ADAMTS19: variants seen among roughly 807,000 people sequenced by gnomAD.
ADAMTS19 encodes ADAM metallopeptidase with thrombospondin type 1 motif 19.
Under a neutral mutation model 153.3 loss-of-function variants are expected in ADAMTS19, and 93 were observed. That is an observed-to-expected ratio of 0.61 (90% CI 0.51 to 0.72). The LOEUF (loss-of-function observed/expected upper bound fraction) is 0.72. Among genes scored for constraint, ADAMTS19 ranks in the 30% least tolerant of loss-of-function variants. The pLI, the probability that ADAMTS19 is intolerant of heterozygous loss-of-function variation, is 0.00. For synonymous variants in ADAMTS19, 600 were observed against 556.6 expected (o/e 1.08, Z -1.10); for missense variants, 1,482 against 1,552.1 (o/e 0.95, Z 0.76).
intron 6 of ADAMTS19, among the ~76,000 whole-genome samples, chr5:129,548,727 G>A (rs534274232): frequency 5.4e-4 from 82 of 151,934 alleles, no homozygotes; most frequent in African/African-American, 1.9e-3. Context: ...ACATGCACAC[G>A]TATGTTCATT....
chr5:129,532,417 C>T (rs1211609212), intron 6 of ADAMTS19, among the ~76,000 whole-genome samples: 1 of 152,136 alleles, frequency 6.6e-6, no homozygotes, highest in Non-Finnish European at 1.5e-5. Flanking sequence ...TTCACACCCA[C>T]TTGAAAGGCT....
intron 2 of ADAMTS19, among the ~76,000 whole-genome samples, chr5:129,469,393 G>A (rs1025209348): frequency 1.3e-5 from 2 of 152,134 alleles, no homozygotes; most frequent in Non-Finnish European, 2.9e-5. Context: ...TATGCAGATT[G>A]AGACTATCTA....
chr5:129,591,091 C>G (rs1750109699), intron 7 of ADAMTS19, among the ~76,000 whole-genome samples: 1 of 152,124 alleles, frequency 6.6e-6, no homozygotes, highest in Non-Finnish European at 1.5e-5. Flanking sequence ...GTCCTTTGTT[C>G]AGGGACTCCC....
intron 6 of ADAMTS19, among the ~76,000 whole-genome samples, chr5:129,538,492 A>G (rs1406101698): frequency 6.6e-6 from 1 of 152,112 alleles, no homozygotes; most frequent in African/African-American, 2.4e-5. Flanking sequence ...TAAAAACCTT[A>G]AAACTAGCAT....
chr5:129,538,622 A>G (rs974731961), intron 6 of ADAMTS19, among the ~76,000 whole-genome samples: 4 of 152,106 alleles, frequency 2.6e-5, no homozygotes, highest in African/African-American at 9.6e-5. Context: ...TCATATATAC[A>G]AAGAGCATAA....
intron 21 of ADAMTS19, among the ~76,000 whole-genome samples, chr5:129,720,180 T>A (rs1285864951): frequency 8.2e-5 from 12 of 146,000 alleles, no homozygotes; most frequent in Non-Finnish European, 1.0e-4. Flanking sequence ...ATTTATTTTT[T>A]TTTTTTTTGG....
At chr5:129,499,591 T>C (rs1414371811) in intron 2 of ADAMTS19, among the ~76,000 whole-genome samples, 5 of 152,130 alleles carry the variant, frequency 3.3e-5, no homozygotes, top group South Asian at 2.1e-4. Flanking sequence ...ATTTTTCATT[T>C]GTAGGAGTGA....
chr5:129,467,369 G>A (rs769389785), intron 2 of ADAMTS19, among the ~76,000 whole-genome samples: 2 of 152,158 alleles, frequency 1.3e-5, no homozygotes, highest in Non-Finnish European at 2.9e-5. Context: ...TATAACCAAG[G>A]TTAGTTAGAT....
chr5:129,618,442 G>A (rs1751627649), intron 8 of ADAMTS19, among the ~76,000 whole-genome samples: 1 of 151,840 alleles, frequency 6.6e-6, no homozygotes, highest in Admixed American at 6.6e-5. Flanking sequence ...ATTTAGCATG[G>A]TGATAGAATT....
At chr5:129,632,565 G>A (rs1015858555) in intron 10 of ADAMTS19, among the ~76,000 whole-genome samples, 10 of 151,720 alleles carry the variant, frequency 6.6e-5, no homozygotes, top group African/African-American at 2.4e-4. Context: ...CCTTCTCCAT[G>A]TCTTTTAGTT....
Position 129,615,057 on chromosome 5 carries a change from A to G in ADAMTS19, c.1479-5561A>G, listed in dbSNP as rs1751442165. ...AAAGAGGATACAAACAAATGGAAGA[A>G]CATTCCATGCTCATGGATAGGAAGA... On this transcript the variant is annotated intron_variant, in intron 8 of 22. Coordinates refer to ENST00000274487, the MANE Select transcript of ADAMTS19 (RefSeq NM_133638.6). Among the ~76,000 whole-genome samples, 5 of 130,712 alleles carry G rather than the reference A, an allele frequency of 3.8e-5. No individual in the cohort carries two copies. In the South Asian group the frequency reaches 1.3e-3, roughly 35 times the overall value. 85.8% of individuals were successfully genotyped at this position (130,712 alleles called of 152,430 possible).
At chr5:129,693,058 A>G (rs1755405746) in intron 18 of ADAMTS19, among the ~76,000 whole-genome samples, 2 of 152,342 alleles carry the variant, frequency 1.3e-5, no homozygotes, top group South Asian at 4.1e-4. Flanking sequence ...CATTATATGC[A>G]ATAACCACAG....
intron 21 of ADAMTS19, among the ~76,000 whole-genome samples, chr5:129,733,172 A>T (rs1173538202): frequency 6.6e-6 from 1 of 152,128 alleles, no homozygotes; most frequent in Non-Finnish European, 1.5e-5. Context: ...GGTGGATTAA[A>T]GACTTGAACA....
At chr5:129,508,980 A>T in intron 2 of ADAMTS19, 97 bp from the exon 3 acceptor site, 2 of 1,023,054 alleles carry the variant, frequency 2.0e-6, no homozygotes, top group Non-Finnish European at 2.8e-6. Flanking sequence ...GACTGTATGC[A>T]TGTTTGTTAA....
At chr5:129,550,640 G>T (rs905631108) in intron 6 of ADAMTS19, among the ~76,000 whole-genome samples, 3 of 151,254 alleles carry the variant, frequency 2.0e-5, no homozygotes, top group African/African-American at 7.3e-5. Context: ...GATGTGAATT[G>T]AAAGCTAACC....
chr5:129,626,987 A>G (rs1011877615), intron 10 of ADAMTS19, among the ~76,000 whole-genome samples: 2 of 152,076 alleles, frequency 1.3e-5, no homozygotes, highest in Non-Finnish European at 2.9e-5. Context: ...AGAACAAGCT[A>G]TGCATTTATC....
chr5:129,666,339 G>A (rs1241583473), intron 16 of ADAMTS19, among the ~76,000 whole-genome samples: 1 of 151,918 alleles, frequency 6.6e-6, no homozygotes, highest in Non-Finnish European at 1.5e-5. Context: ...ATTATGTCAG[G>A]CAGACATTTT....
chr5:129,650,449 C>T (rs1165250760), intron 13 of ADAMTS19, among the ~76,000 whole-genome samples: 3 of 152,076 alleles, frequency 2.0e-5, no homozygotes, highest in Non-Finnish European at 4.4e-5. Context: ...ATGGAAACAG[C>T]CAAACAATAG....
chr5:129,588,945 T>C (rs1225412874), intron 7 of ADAMTS19, among the ~76,000 whole-genome samples: 3 of 151,860 alleles, frequency 2.0e-5, no homozygotes. Flanking sequence ...TTTACTTCTA[T>C]TGCAATGATT....
Sources: gnomAD v4.1 joint callset for allele counts (sites outside exome capture counted in the v4.1 genomes callset) on GRCh38, gnomAD v4.1.1 for gene constraint, MANE v1.5 for transcripts, NCBI Gene and HGNC (gene_info 2026-07-23, HGNC 2026-07-21) for gene names.